MEI4: variants seen among roughly 807,000 people sequenced by gnomAD.
The protein encoded by MEI4 is meiosis-specific protein MEI4.
MEI4 carries 27 observed loss-of-function variants against 31.4 expected under a neutral mutation model. The observed-to-expected ratio is 0.86, with a 90% CI of 0.63 to 1.19. The LOEUF is 1.19. Among genes scored for constraint, MEI4 ranks in the 50% most tolerant of loss-of-function variants. The pLI is 0.00. For synonymous variants in MEI4, 122 were observed against 145.4 expected, an observed-to-expected ratio of 0.84 and a Z score of 1.16; for missense variants, 329 against 398.9, an observed-to-expected ratio of 0.82 and a Z score of 1.49.
At chr6:77,873,474 G>T (rs529900364) in intron 4 of MEI4, among the ~76,000 whole-genome samples, 1 of 152,078 alleles carries the variant, frequency 6.6e-6, no homozygotes, top group African/African-American at 2.4e-5. Context: ...TTGTAAATTC[G>T]TTTGAGTTCA....
upstream of MEI4, among the ~76,000 whole-genome samples, chr6:77,652,170 G>A (rs1217614621): frequency 6.6e-6 from 1 of 152,182 alleles, no homozygotes; most frequent in Non-Finnish European, 1.5e-5. Context: ...CTACATTGTG[G>A]AGAATAGATT....
rs869028066 is a variant in MEI4, at chr6:77,923,724, AAG to A, written c.*380_*381del. 2.7e-4 allele frequency: 3 copies of A among 11,294 alleles called. No individual in the cohort carries two copies. In the African/African-American group the frequency reaches 7.6e-3, roughly 29 times the overall value. The allele number at this position is 11,294 out of a possible 1,614,324, so 0.7% of individuals were successfully genotyped here. A position where few individuals can be genotyped will look rare whatever the true frequency, so the allele number is the denominator to read the frequency against. On this transcript the variant is annotated 3_prime_UTR_variant, in exon 5 of 5. Coordinates refer to ENST00000684080, the MANE Select transcript of MEI4 (RefSeq NM_001322247.2). ...TGGTAATCAAAGAAAGAGATTTTTA[AAG>A]AAGTTTAGTTGCATTATCAACACAA...
chr6:77,724,831 G>C (rs1377580443), intron 2 of MEI4, among the ~76,000 whole-genome samples: 2 of 146,566 alleles, frequency 1.4e-5, no homozygotes, highest in Non-Finnish European at 3.0e-5. Flanking sequence ...TCAACATTTT[G>C]CGTTGACTGA....
intron 4 of MEI4, among the ~76,000 whole-genome samples, chr6:77,843,967 C>G (rs1488638756): frequency 6.6e-6 from 1 of 152,022 alleles, no homozygotes; most frequent in African/African-American, 2.4e-5. Flanking sequence ...TTTGAAAAAT[C>G]CACTTCTCTG....
At chr6:77,788,914 A>T (rs1028684269) in intron 3 of MEI4, among the ~76,000 whole-genome samples, 1 of 152,214 alleles carries the variant, frequency 6.6e-6, no homozygotes, top group Non-Finnish European at 1.5e-5. Flanking sequence ...TTTAAAGTTC[A>T]TATGGAACCA....
chr6:77,768,166 G>A (rs1166950122), intron 3 of MEI4, among the ~76,000 whole-genome samples: 1 of 152,086 alleles, frequency 6.6e-6, no homozygotes, highest in East Asian at 1.9e-4. Context: ...TAGGTCTCAT[G>A]TTCAGGTATA....
At chr6:77,730,645 A>G (rs964246036) in intron 2 of MEI4, among the ~76,000 whole-genome samples, 3 of 151,562 alleles carry the variant, frequency 2.0e-5, no homozygotes, top group Non-Finnish European at 4.4e-5. Context: ...TTATTATTAT[A>G]CCTTAAGTTT....
At chr6:77,760,242 A>G (rs1451431226) in intron 2 of MEI4, among the ~76,000 whole-genome samples, 1 of 151,756 alleles carries the variant, frequency 6.6e-6, no homozygotes, top group Non-Finnish European at 1.5e-5. Context: ...ACACATATAT[A>G]TACACACATA....
At chr6:77,754,049 A>G (rs981295425) in intron 2 of MEI4, among the ~76,000 whole-genome samples, 10 of 152,090 alleles carry the variant, frequency 6.6e-5, no homozygotes, top group African/African-American at 2.4e-4. Context: ...GAGTTGAACA[A>G]TGAAAGCACA....
At chr6:77,860,683 ATG>A (rs10542990) in intron 4 of MEI4, among the ~76,000 whole-genome samples, 3,331 of 152,156 alleles carry the variant, frequency 0.022, 125 homozygotes, top group African/African-American at 0.077. Context: ...CATATATATT[ATG>A]TATATATAGT....
chr6:77,798,279 C>T (rs1905266), intron 3 of MEI4, among the ~76,000 whole-genome samples: 83,030 of 150,940 alleles, frequency 0.55, 25,017 homozygotes, highest in African/African-American at 0.79. Context: ...AAAAGCAAAA[C>T]GGCAGGTCTA....
intron 4 of MEI4, among the ~76,000 whole-genome samples, chr6:77,873,097 T>A (rs1017391491): frequency 4.6e-5 from 7 of 152,010 alleles, no homozygotes; most frequent in Non-Finnish European, 1.0e-4. Context: ...GCAGCATGAT[T>A]TATAGCAGCA....
In MEI4 at chr6:77,851,790, A is replaced by C. The variant is rs79210423; in HGVS notation, c.900+22728A>C. Reference sequence around the variant, plus strand: ...TAGAACTTAAAGTATAATTAAAAAGAAAAAAAAGCAGGGATTTGAAAGGGG... The same window carrying C: ...TAGAACTTAAAGTATAATTAAAAAGCAAAAAAAGCAGGGATTTGAAAGGGG... On this transcript the variant is annotated intron_variant, in intron 4 of 4. Transcript: ENST00000684080. 9.2e-3 allele frequency among the ~76,000 whole-genome samples: 1,392 copies of C among 152,130 alleles called. 17 individuals carry two copies. The highest frequency in any genetic ancestry group is 0.031 in the African/African-American group (1,288 of 41,502).
chr6:77,872,584 T>TTTA (rs754735984), intron 4 of MEI4, among the ~76,000 whole-genome samples: 1 of 151,844 alleles, frequency 6.6e-6, no homozygotes, highest in Non-Finnish European at 1.5e-5. Context: ...TTTATTTTAT[T>TTTA]TTATTATTAT....
At chr6:77,746,756 T>C (rs1456536007) in intron 2 of MEI4, among the ~76,000 whole-genome samples, 1 of 152,066 alleles carries the variant, frequency 6.6e-6, no homozygotes, top group Non-Finnish European at 1.5e-5. Context: ...CATAGTGCTT[T>C]CACTGTATGT....
At chr6:77,758,415 T>C (rs917431667) in intron 2 of MEI4, among the ~76,000 whole-genome samples, 2 of 152,144 alleles carry the variant, frequency 1.3e-5, no homozygotes, top group Admixed American at 1.3e-4. Flanking sequence ...CAATTCTACC[T>C]CATCAGCTTC....
intron 3 of MEI4, among the ~76,000 whole-genome samples, chr6:77,776,578 A>G (rs952640802): frequency 3.3e-5 from 5 of 152,136 alleles, no homozygotes; most frequent in African/African-American, 1.2e-4. Flanking sequence ...AGGATGTAAA[A>G]CTGGAACTCT....
chr6:77,728,020 C>T (rs1432628926), intron 2 of MEI4, among the ~76,000 whole-genome samples: 1 of 152,124 alleles, frequency 6.6e-6, no homozygotes, highest in East Asian at 1.9e-4. Flanking sequence ...TGCACAGTAC[C>T]TAGTAAGACG....
Position 77,847,155 on chromosome 6 carries a change from T to G in MEI4, c.900+18093T>G, listed in dbSNP as rs1347516593. On this transcript the variant is annotated intron_variant, in intron 4 of 4. Transcript: ENST00000684080. The surrounding 1 kb of genome is among the most constrained non-coding windows in gnomAD (Gnocchi z 4.6). ...TTGAAAATGAGTTTAAATAAAAGAT[T>G]CAGTGGTACTTTCTCTCAATGTTCT... Among the ~76,000 whole-genome samples, 2 of 152,180 alleles carry G rather than the reference T, an allele frequency of 1.3e-5. No individual in the cohort carries two copies. The highest frequency in any genetic ancestry group is 4.8e-5 in the African/African-American group (2 of 41,442).
Sources: allele counts gnomAD v4.1 joint callset (sites outside exome capture counted in the v4.1 genomes callset), GRCh38; gene constraint gnomAD v4.1.1; non-coding constraint Gnocchi (gnomAD v3.1); transcripts MANE v1.5; gene names NCBI Gene and HGNC (gene_info 2026-07-23, HGNC 2026-07-21).